ADCY8: variants seen among roughly 807,000 people sequenced by gnomAD.
ADCY8 encodes adenylate cyclase type 8.
Under a neutral mutation model 119.7 loss-of-function variants are expected in ADCY8, and 51 were observed. The ratio of observed to expected loss-of-function variants is 0.43; its 90% CI spans 0.34 to 0.54. The LOEUF (loss-of-function observed/expected upper bound fraction) is 0.54, where lower values mean the gene tolerates loss of function less well. ADCY8 is among the 20% of genes least tolerant of loss of function. The pLI is 0.03. For synonymous variants in ADCY8, 665 were observed against 651.0 expected (o/e 1.02, Z -0.33); for missense variants, 1,383 against 1,598.8 (o/e 0.87, Z 2.30).
intron 5 of ADCY8, 24 bp from the exon 6 acceptor site, chr8:130,909,890 G>C (rs772646982): frequency 1.5e-5 from 24 of 1,611,930 alleles, no homozygotes; most frequent in Non-Finnish European, 1.7e-5. Flanking sequence ...TAAATGGAGA[G>C]ACACATGTAT....
At chr8:130,985,703 C>T (rs1246574485) in intron 2 of ADCY8, among the ~76,000 whole-genome samples, 2 of 151,982 alleles carry the variant, frequency 1.3e-5, no homozygotes, top group Admixed American at 6.6e-5. Context: ...TTAAAAAGTC[C>T]CCAAGATGTT....
chr8:130,936,967 G>A, intron 5 of ADCY8, 106 bp downstream of exon 5: 1 of 1,352,116 alleles, frequency 7.4e-7, no homozygotes. Flanking sequence ...TAAGTCAAAA[G>A]GTTCTGCCTT....
intron 1 of ADCY8, among the ~76,000 whole-genome samples, chr8:131,034,230 A>G (rs1563775988): frequency 6.6e-6 from 1 of 152,178 alleles, no homozygotes. Flanking sequence ...TGAGATAGCT[A>G]CAAAGAACCT....
chr8:130,812,026 C>T (rs1285861419), intron 14 of ADCY8, among the ~76,000 whole-genome samples: 1 of 152,204 alleles, frequency 6.6e-6, no homozygotes, highest in Non-Finnish European at 1.5e-5. Context: ...ACATCTGCTC[C>T]ATTATCAAGA....
intron 11 of ADCY8, among the ~76,000 whole-genome samples, chr8:130,841,774 A>G (rs1015557208): frequency 6.6e-6 from 1 of 152,226 alleles, no homozygotes; most frequent in Admixed American, 6.5e-5. Flanking sequence ...GAAATCAAGC[A>G]GACAATTTTC....
At chr8:130,813,124 T>G (rs747807979) in intron 14 of ADCY8, among the ~76,000 whole-genome samples, 50 of 152,248 alleles carry the variant, frequency 3.3e-4, no homozygotes, top group Middle Eastern at 6.8e-3. Context: ...ATTTTTGTAA[T>G]TTTTAGTAGA....
At chr8:130,970,213 G>A (rs571311021) in intron 2 of ADCY8, among the ~76,000 whole-genome samples, 1 of 152,160 alleles carries the variant, frequency 6.6e-6, no homozygotes, top group Non-Finnish European at 1.5e-5. Context: ...TGCACAGCAG[G>A]AGGTAAGCAG....
chr8:130,899,458 T>G (rs980329223), intron 7 of ADCY8, among the ~76,000 whole-genome samples: 1 of 151,990 alleles, frequency 6.6e-6, no homozygotes, highest in Non-Finnish European at 1.5e-5. Flanking sequence ...ATACAAAAAT[T>G]AGCCAAGGGT....
At chr8:130,926,344 G>T (rs7463800) in intron 5 of ADCY8, among the ~76,000 whole-genome samples, 15,462 of 151,294 alleles carry the variant, frequency 0.1, 1,547 homozygotes, top group African/African-American at 0.26. Context: ...TGGTTTAAAA[G>T]GCTACTGTGC....
chr8:131,010,668 A>G (rs1333618539), intron 1 of ADCY8, among the ~76,000 whole-genome samples: 1 of 152,224 alleles, frequency 6.6e-6, no homozygotes, highest in Non-Finnish European at 1.5e-5. Context: ...AGCATTTGAC[A>G]TGGAGTGAGA....
rs776991667 is a variant in ADCY8 at position 130,937,120 on chromosome 8, A to G, written c.1434T>C (p.His478=). Residue 478 remains histidine (H), a synonymous_variant, in exon 5 of 18, where the codon CAT becomes CAC. Coordinates refer to ENST00000286355, the MANE Select transcript of ADCY8 (RefSeq NM_001115.3). ...GACCCATTTCAACACAGCAGTGGGC[A>G]TGGTCCTGGCGGGGCTCAGGAAGTC... The part of the protein sequence containing the change: ...VSGLPEPRQD[H]AHCCVEMGLS... 27 of 1,613,816 alleles carry G rather than the reference A, an allele frequency of 1.7e-5. No individual in the cohort carries two copies. Among genetic ancestry groups the G allele is most frequent in the Middle Eastern group, 1.6e-4 (1 of 6,078 alleles).
chr8:130,909,940 CT>C (rs71304398), intron 5 of ADCY8, 74 bp from the exon 6 acceptor site: 47,889 of 1,044,118 alleles, frequency 0.046, no homozygotes, highest in South Asian at 0.08. Flanking sequence ...ACTTTCTTTT[CT>C]TTTTTTTTTT....
intron 13 of ADCY8, among the ~76,000 whole-genome samples, chr8:130,818,664 C>G (rs1192044879): frequency 6.6e-6 from 1 of 152,166 alleles, no homozygotes; most frequent in Admixed American, 6.5e-5. Context: ...CTCTGAGTCA[C>G]AAGGGAAAAC....
At chr8:131,016,038 T>C (rs1823464998) in intron 1 of ADCY8, among the ~76,000 whole-genome samples, 1 of 152,232 alleles carries the variant, frequency 6.6e-6, no homozygotes, top group Non-Finnish European at 1.5e-5. Context: ...CTGTAGACCC[T>C]GGGGATGTCA....
chr8:130,886,513 C>A (rs1818990229), intron 7 of ADCY8, among the ~76,000 whole-genome samples: 1 of 152,020 alleles, frequency 6.6e-6, no homozygotes, highest in African/African-American at 2.4e-5. Context: ...CTGTCAGCCA[C>A]TTGGTGGATT....
chr8:131,025,667 C>T (rs1468173661), intron 1 of ADCY8, among the ~76,000 whole-genome samples: 2 of 152,208 alleles, frequency 1.3e-5, no homozygotes, highest in Non-Finnish European at 2.9e-5. Context: ...ATAATTTCCT[C>T]ATCTCAGGTC....
intron 15 of ADCY8, among the ~76,000 whole-genome samples, chr8:130,793,348 C>T (rs1271014689): frequency 6.6e-6 from 1 of 152,230 alleles, no homozygotes; most frequent in Non-Finnish European, 1.5e-5. Context: ...TTAGTGCCAA[C>T]ACCAGGAAAG....
chr8:130,821,499 G>A, intron 12 of ADCY8, 79 bp from the exon 13 acceptor site: 2 of 1,096,358 alleles, frequency 1.8e-6, no homozygotes, highest in South Asian at 2.6e-5. Context: ...TCAGAAAGGA[G>A]TGGTATAAAA....
intron 7 of ADCY8, among the ~76,000 whole-genome samples, chr8:130,903,466 T>A (rs1448527849): frequency 0.051 from 1,183 of 23,332 alleles, 17 homozygotes; most frequent in African/African-American, 0.098. Context: ...CATGAGTGGT[T>A]TTTTTTTTTT....
Sources: gnomAD v4.1 joint callset for allele counts (sites outside exome capture counted in the v4.1 genomes callset) on GRCh38, gnomAD v4.1.1 for gene constraint, MANE v1.5 for transcripts, NCBI Gene and HGNC (gene_info 2026-07-23, HGNC 2026-07-21) for gene names.